CALN1: variants seen among roughly 807,000 people sequenced by gnomAD.
The protein encoded by CALN1 is calcium-binding protein 8.
In CALN1, 17 loss-of-function variants were observed where a neutral mutation model predicts 30.6. The observed-to-expected ratio is 0.56, with a 90% confidence interval of 0.38 to 0.83. The LOEUF (loss-of-function observed/expected upper bound fraction) is 0.83. Among genes scored for constraint, CALN1 ranks in the 40% least tolerant of loss-of-function variants. The pLI, the probability that CALN1 is intolerant of heterozygous loss-of-function variation, is 0.00. For synonymous variants in CALN1, 156 were observed against 131.4 expected (o/e 1.19, Z -1.28); for missense variants, 291 against 354.9 (o/e 0.82, Z 1.45).
At chr7:72,296,781 C>A (rs1032351885) in intron 2 of CALN1, among the ~76,000 whole-genome samples, 2 of 150,632 alleles carry the variant, frequency 1.3e-5, no homozygotes, top group Admixed American at 6.6e-5. Context: ...AGCGGTCTAT[C>A]AATTTTGTTG....
intron 5 of CALN1, among the ~76,000 whole-genome samples, chr7:71,847,954 C>G (rs1201090802): frequency 1.8e-4 from 27 of 152,036 alleles, no homozygotes. Context: ...GTGAGGCCTC[C>G]CCAGCCATGT....
chr7:72,253,635 G>A (rs1795713344), intron 3 of CALN1, among the ~76,000 whole-genome samples: 1 of 152,194 alleles, frequency 6.6e-6, no homozygotes, highest in African/African-American at 2.4e-5. Flanking sequence ...GAACAGCACG[G>A]GGGAACTACC....
In CALN1 at chr7:72,436,497, C is replaced by T. The variant is rs149818941; in HGVS notation, c.-226+10545G>A. Among the ~76,000 whole-genome samples, 621 of 152,270 alleles carry T rather than the reference C, an allele frequency of 4.1e-3. 3 individuals carry two copies. The highest frequency in any genetic ancestry group is 0.012 in the African/African-American group (506 of 41,556). On this transcript the variant is annotated intron_variant, in intron 1 of 6. Transcript: ENST00000395276. ...CCAGTCTCGGGTATGTCTTTATCAG[C>T]AACATGAGAACAGACTAATACAACT... is the stretch of plus-strand genomic sequence containing the variant.
intron 5 of CALN1, among the ~76,000 whole-genome samples, chr7:71,931,269 C>CTT (rs71092936): frequency 1.3e-4 from 20 of 149,420 alleles, no homozygotes; most frequent in Admixed American, 1.2e-3. Flanking sequence ...AAACCATTCT[C>CTT]TTTTTTTTTT....
chr7:72,317,093 A>AAAGAAAGAGAGAGG (rs1214826219), intron 2 of CALN1, among the ~76,000 whole-genome samples: 7 of 128,050 alleles, frequency 5.5e-5, no homozygotes, highest in Non-Finnish European at 8.2e-5. Context: ...AGAGAGAGAG[A>AAAGAAAGAGAGAGG]GGGAGGGAGG....
chr7:72,440,865 A>G (rs1298853108), intron 1 of CALN1, among the ~76,000 whole-genome samples: 1 of 152,138 alleles, frequency 6.6e-6, no homozygotes, highest in Non-Finnish European at 1.5e-5. Context: ...GAATCTTATG[A>G]CCTTTATTTC....
intron 4 of CALN1, among the ~76,000 whole-genome samples, chr7:72,054,997 T>C (rs1803161171): frequency 6.6e-6 from 1 of 152,178 alleles, no homozygotes. Context: ...AGGTCTAACC[T>C]GATGAGGACA....
At chr7:72,190,666 A>T (rs1790532706) in intron 3 of CALN1, among the ~76,000 whole-genome samples, 1 of 152,170 alleles carries the variant, frequency 6.6e-6, no homozygotes, top group African/African-American at 2.4e-5. Context: ...CAGAAAAATT[A>T]TTTTTTAATA....
intron 1 of CALN1, among the ~76,000 whole-genome samples, chr7:72,411,766 T>TA (rs1807166232): frequency 6.6e-6 from 1 of 152,154 alleles, no homozygotes; most frequent in African/African-American, 2.4e-5. Flanking sequence ...TTGACATGAA[T>TA]GTAATTGCTA....
At chr7:71,792,106 C>A (rs939260796) in intron 6 of CALN1, among the ~76,000 whole-genome samples, 1 of 152,320 alleles carries the variant, frequency 6.6e-6, no homozygotes, top group East Asian at 1.9e-4. Flanking sequence ...GTGGACAGAG[C>A]TGCGACCTGG....
chr7:72,020,179 CT>C (rs1310367448), intron 5 of CALN1, among the ~76,000 whole-genome samples: 8 of 152,326 alleles, frequency 5.3e-5, no homozygotes, highest in African/African-American at 1.9e-4. Flanking sequence ...CCTGCCTCAG[CT>C]CCAGAGCAGC....
At chr7:72,162,830 G>C (rs994316495) in intron 3 of CALN1, among the ~76,000 whole-genome samples, 2 of 152,214 alleles carry the variant, frequency 1.3e-5, no homozygotes, top group African/African-American at 4.8e-5. Flanking sequence ...CCATGAGGTG[G>C]TTAGAACTTA....
intron 3 of CALN1, among the ~76,000 whole-genome samples, chr7:72,155,870 G>C (rs1787638063): frequency 6.6e-6 from 1 of 152,076 alleles, no homozygotes; most frequent in Admixed American, 6.5e-5. Context: ...GCCTCTTCCA[G>C]CTCCCAGACA....
chr7:72,343,484 G>A (rs943402747), intron 2 of CALN1, among the ~76,000 whole-genome samples: 5 of 151,596 alleles, frequency 3.3e-5, no homozygotes, highest in African/African-American at 9.7e-5. Context: ...GGAGGCAGAG[G>A]TTGCAATGAG....
intron 4 of CALN1, among the ~76,000 whole-genome samples, chr7:72,067,134 G>C (rs773902440): frequency 6.6e-6 from 1 of 152,182 alleles, no homozygotes. Flanking sequence ...GGATGGGTCT[G>C]AAATCAAAGG....
chr7:72,094,871 AG>A (rs1047608454), intron 4 of CALN1, among the ~76,000 whole-genome samples: 2 of 152,182 alleles, frequency 1.3e-5, no homozygotes, highest in Non-Finnish European at 1.5e-5. Context: ...GGGAGTGGCT[AG>A]GGTCTTTCGC....
intron 2 of CALN1, among the ~76,000 whole-genome samples, chr7:72,345,622 G>C (rs1384027040): frequency 6.6e-6 from 1 of 151,936 alleles, no homozygotes; most frequent in Non-Finnish European, 1.5e-5. Flanking sequence ...CCAAGCAGCA[G>C]GAAGGAGAAT....
chr7:71,995,809 C>CA (rs1444528916), intron 5 of CALN1, among the ~76,000 whole-genome samples: 1 of 150,678 alleles, frequency 6.6e-6, no homozygotes, highest in East Asian at 2.1e-4. Context: ...ATCCACTATA[C>CA]TGTTGCCCAG....
intron 5 of CALN1, among the ~76,000 whole-genome samples, chr7:71,917,172 A>C (rs183034575): frequency 3.3e-5 from 5 of 152,324 alleles, no homozygotes; most frequent in Admixed American, 3.3e-4. Context: ...TTTCACTGGA[A>C]TTGTCTCATG....
Sources: gnomAD v4.1 joint callset for allele counts (sites outside exome capture counted in the v4.1 genomes callset) on GRCh38, gnomAD v4.1.1 for gene constraint, MANE v1.5 for transcripts, NCBI Gene and HGNC (gene_info 2026-07-23, HGNC 2026-07-21) for gene names.